Variants in GPM6A observed in about 807,000 individuals in gnomAD.
GPM6A encodes neuronal membrane glycoprotein M6-a.
GPM6A carries 7 observed loss-of-function variants against 32.1 expected under a neutral mutation model. The observed-to-expected ratio is 0.22, with a 90% CI of 0.12 to 0.41. The LOEUF is 0.41. Ranked by LOEUF, GPM6A falls within the 10% of genes least tolerant of loss-of-function variation. The probability of loss-of-function intolerance (pLI) is 1.00; values close to 1 mark genes in which losing one functional copy is unlikely to be tolerated. For missense variants in GPM6A, 235 were observed against 347.2 expected (o/e 0.68, Z 2.57); for synonymous variants, 130 against 123.4 (o/e 1.05, Z -0.35).
At chr4:175,740,949 G>A (rs1052892892) in intron 1 of GPM6A, among the ~76,000 whole-genome samples, 1 of 151,872 alleles carries the variant, frequency 6.6e-6, no homozygotes, top group African/African-American at 2.4e-5. Context: ...TCCTAGTTCT[G>A]GTGTTCAGAA....
chr4:175,994,133 A>G (rs574940577), intron 1 of GPM6A, among the ~76,000 whole-genome samples: 71 of 152,250 alleles, frequency 4.7e-4, no homozygotes, highest in African/African-American at 1.6e-3. Context: ...CATAAATACA[A>G]ATGACACTGA....
At chr4:175,728,101 G>A (rs968987756) in intron 1 of GPM6A, among the ~76,000 whole-genome samples, 8 of 151,508 alleles carry the variant, frequency 5.3e-5, no homozygotes, top group Non-Finnish European at 1.0e-4. Context: ...TAACAATGGA[G>A]CAACTGTACA....
chr4:175,777,731 T>C (rs921789730), intron 1 of GPM6A, among the ~76,000 whole-genome samples: 1 of 152,108 alleles, frequency 6.6e-6, no homozygotes. Context: ...TTTGAGAAAC[T>C]ATAATTTTCA....
intron 1 of GPM6A, among the ~76,000 whole-genome samples, chr4:175,929,882 A>G (rs986041911): frequency 1.3e-5 from 2 of 152,194 alleles, no homozygotes; most frequent in African/African-American, 4.8e-5. Flanking sequence ...CAACAGTGGT[A>G]GAAGAAATAT....
chr4:175,952,128 A>T (rs1420823543), intron 1 of GPM6A, among the ~76,000 whole-genome samples: 1 of 152,252 alleles, frequency 6.6e-6, no homozygotes, highest in Admixed American at 6.5e-5. Context: ...GGCCCAGGTG[A>T]CCAAATATCT....
intron 1 of GPM6A, among the ~76,000 whole-genome samples, chr4:175,922,487 T>G (rs1738700794): frequency 6.6e-6 from 1 of 152,192 alleles, no homozygotes; most frequent in Non-Finnish European, 1.5e-5. Flanking sequence ...TATTCTTGTA[T>G]GTAGATAGAA....
chr4:175,640,250 G>T, intron 5 of GPM6A, 56 bp from the exon 6 acceptor site: 1 of 1,356,828 alleles, frequency 7.4e-7, no homozygotes, highest in Non-Finnish European at 1.1e-6. Context: ...TAGAAGAGAA[G>T]TCAAGATTGC....
In GPM6A at chr4:175,637,281, TTATATAA is replaced by T. The variant is rs1320132554; in HGVS notation, c.685-2231_685-2225del. On this transcript the variant is annotated intron_variant, in intron 6 of 6. Transcript: ENST00000393658. ...TAAAATATATATTATATATTATATA[TTATATAA>T]AATATATATTATATATTATATATAA... Among the ~76,000 whole-genome samples the T allele has an allele frequency of 1.1e-3, 61 of 55,942 alleles. 1 individual carries two copies. Among genetic ancestry groups the T allele is most frequent in the East Asian group, 3.6e-3 (6 of 1,686 alleles). The allele number at this position is 55,942 out of a possible 152,430, so 36.7% of individuals were successfully genotyped here.
intron 2 of GPM6A, among the ~76,000 whole-genome samples, chr4:175,690,956 C>T (rs1321380914): frequency 6.6e-6 from 1 of 152,150 alleles, no homozygotes; most frequent in Non-Finnish European, 1.5e-5. Context: ...TGGACATGTG[C>T]TAATGTTACA....
At chr4:175,653,492 A>G (rs1741917417) in intron 3 of GPM6A, among the ~76,000 whole-genome samples, 1 of 152,164 alleles carries the variant, frequency 6.6e-6, no homozygotes, top group South Asian at 2.1e-4. Context: ...AGACATATTT[A>G]TACTTTATAC....
chr4:175,671,814 C>T (rs1347758379), intron 3 of GPM6A, among the ~76,000 whole-genome samples: 1 of 152,152 alleles, frequency 6.6e-6, no homozygotes, highest in Non-Finnish European at 1.5e-5. Context: ...GCTCCTACTC[C>T]TGTCTCTGCT....
chr4:175,709,391 G>C (rs1319966342), intron 1 of GPM6A, among the ~76,000 whole-genome samples: 2 of 150,474 alleles, frequency 1.3e-5, no homozygotes, highest in Admixed American at 6.6e-5. Context: ...TCTTCTTAAA[G>C]AGCATTGGCC....
At chr4:175,724,188 G>C (rs1001164021) in intron 1 of GPM6A, among the ~76,000 whole-genome samples, 11 of 152,176 alleles carry the variant, frequency 7.2e-5, no homozygotes, top group Admixed American at 2.6e-4. Flanking sequence ...ACTATGTTAA[G>C]GGAAATAAGC....
intron 1 of GPM6A, among the ~76,000 whole-genome samples, chr4:175,835,939 T>C (rs560128413): frequency 1.7e-5 from 2 of 116,668 alleles, no homozygotes; most frequent in African/African-American, 5.3e-5. Context: ...ACGTGGAAAG[T>C]TTTTTGTAGG....
intron 1 of GPM6A, chr4:175,798,617 C>T (rs1391012532): frequency 6.6e-6 from 1 of 152,026 alleles, no homozygotes; most frequent in Non-Finnish European, 1.5e-5. Flanking sequence ...TACTAACTTT[C>T]TAATTATTAT....
At chr4:175,824,285 A>G (rs545318344) in intron 1 of GPM6A, among the ~76,000 whole-genome samples, 1 of 152,248 alleles carries the variant, frequency 6.6e-6, no homozygotes, top group South Asian at 2.1e-4. Flanking sequence ...ACCTGCAGAC[A>G]CCACTTGACT....
chr4:175,923,397 A>G (rs1040092721), intron 1 of GPM6A, among the ~76,000 whole-genome samples: 4 of 149,644 alleles, frequency 2.7e-5, no homozygotes, highest in African/African-American at 9.9e-5. Flanking sequence ...GGAAAGTAAC[A>G]CACATTGAAT....
In GPM6A at chr4:175,863,430, T is replaced by A. The variant is rs190317044; in HGVS notation, c.-22-51181A>T. Reference sequence around the variant, plus strand: ...TCAACAATCCATTACTTTTTATTGGTGAATAGTATTCCATTGAACTAATAC... The same window carrying A: ...TCAACAATCCATTACTTTTTATTGGAGAATAGTATTCCATTGAACTAATAC... On this transcript the variant is annotated intron_variant, in intron 1 of 7. Coordinates refer to the GPM6A transcript ENST00000280187. 1.2e-3 allele frequency among the ~76,000 whole-genome samples: 177 copies of A among 152,308 alleles called. 5 individuals are homozygous for A. The highest frequency in any genetic ancestry group is 1.2e-3 in the East Asian group (6 of 5,184).
chr4:175,881,550 T>TGC (rs1255786248), intron 1 of GPM6A, among the ~76,000 whole-genome samples: 13 of 152,150 alleles, frequency 8.5e-5, no homozygotes, highest in Non-Finnish European at 1.8e-4. Context: ...CACACGTATA[T>TGC]TTATTGCGGC....
Sources: gnomAD v4.1 joint callset for allele counts (sites outside exome capture counted in the v4.1 genomes callset) on GRCh38, gnomAD v4.1.1 for gene constraint, MANE v1.5 for transcripts, NCBI Gene and HGNC (gene_info 2026-07-23, HGNC 2026-07-21) for gene names.